CORO1C: variants seen among roughly 807,000 people sequenced by gnomAD.
CORO1C encodes coronin 1C.
Under a neutral mutation model 51.2 loss-of-function variants are expected in CORO1C, and 14 were observed. That is an observed-to-expected ratio of 0.27 (90% CI 0.18 to 0.43). The LOEUF (loss-of-function observed/expected upper bound fraction) is 0.43, where lower values mean the gene tolerates loss of function less well. Among genes scored for constraint, CORO1C ranks in the 20% least tolerant of loss-of-function variants. CORO1C has a pLI of 1.00. For synonymous variants in CORO1C, 181 were observed against 210.5 expected (o/e 0.86, Z 1.21); for missense variants, 417 against 607.8 (o/e 0.69, Z 3.30).
Position 108,688,642 on chromosome 12 carries a change from C to G in CORO1C, c.196-10248G>C, listed in dbSNP as rs569407205. Among the ~76,000 whole-genome samples the G allele has an allele frequency of 2.0e-5, 3 of 152,276 alleles. No individual in the cohort carries two copies. The East Asian group carries it at 5.8e-4, about 29-fold the overall frequency. On this transcript the variant is annotated intron_variant, in intron 2 of 10. Coordinates refer to ENST00000261401, the MANE Select transcript of CORO1C (RefSeq NM_014325.4). The stretch of plus-strand genomic sequence containing the variant: ...TCAATCTAAGCTGGGCACGGTGGCT[C>G]ACACCTGTAATCCCAGCACTTTGAG...
At chr12:108,689,032 G>GAA (rs11449783) in intron 2 of CORO1C, among the ~76,000 whole-genome samples, 149 of 110,324 alleles carry the variant, frequency 1.4e-3, no homozygotes, top group Middle Eastern at 4.8e-3. Context: ...CTCTGTCTCA[G>GAA]AAAAAAAAAA....
At chr12:108,694,306 C>G (rs901045483) in intron 2 of CORO1C, among the ~76,000 whole-genome samples, 3 of 112,458 alleles carry the variant, frequency 2.7e-5, no homozygotes, top group Admixed American at 8.9e-5. Context: ...AAAAAAAAAG[C>G]AAGAACCCAC....
intron 2 of CORO1C, among the ~76,000 whole-genome samples, chr12:108,688,207 A>G (rs1204154927): frequency 6.6e-6 from 1 of 152,108 alleles, no homozygotes; most frequent in African/African-American, 2.4e-5. Context: ...CACCGTGCCC[A>G]GCCCAGTATA....
chr12:108,682,424 T>C (rs2034154988), intron 2 of CORO1C, among the ~76,000 whole-genome samples: 1 of 152,144 alleles, frequency 6.6e-6, no homozygotes, highest in Non-Finnish European at 1.5e-5. Context: ...GACTTTAAGG[T>C]GAAATGCACT....
At chr12:108,654,871 A>T (rs140231517) in intron 6 of CORO1C, among the ~76,000 whole-genome samples, 53 of 152,036 alleles carry the variant, frequency 3.5e-4, no homozygotes, top group Non-Finnish European at 5.9e-4. Context: ...ACCCGTGGCT[A>T]ATTTTTGTAT....
intron 2 of CORO1C, among the ~76,000 whole-genome samples, chr12:108,682,586 C>T (rs939269900): frequency 1.3e-5 from 2 of 152,000 alleles, no homozygotes; most frequent in Middle Eastern, 3.4e-3. Context: ...AAGTCATAAT[C>T]GTAAGAGATG....
intron 3 of CORO1C, among the ~76,000 whole-genome samples, chr12:108,669,908 G>C (rs2033648644): frequency 6.6e-6 from 1 of 152,132 alleles, no homozygotes; most frequent in Admixed American, 6.5e-5. Context: ...TGATTAAAGG[G>C]TGATTTAAAT....
At chr12:108,683,418 CAA>C (rs372937354) in intron 2 of CORO1C, among the ~76,000 whole-genome samples, 19 of 84,622 alleles carry the variant, frequency 2.2e-4, no homozygotes, top group African/African-American at 3.8e-4. Flanking sequence ...GACTCTGTCT[CAA>C]AAAAAAAAAA....
chr12:108,696,801 A>G (rs907995413), intron 2 of CORO1C, among the ~76,000 whole-genome samples: 3 of 152,238 alleles, frequency 2.0e-5, no homozygotes, highest in Non-Finnish European at 4.4e-5. Flanking sequence ...TACAAAAGAG[A>G]GTGGGAATCA....
chr12:108,716,120 T>C (rs1170411522), intron 1 of CORO1C, among the ~76,000 whole-genome samples: 1 of 91,536 alleles, frequency 1.1e-5, no homozygotes, highest in Non-Finnish European at 1.9e-5. Context: ...AGAACGAGAC[T>C]CTGTCGCAAA....
intron 2 of CORO1C, among the ~76,000 whole-genome samples, chr12:108,684,334 C>T (rs748441004): frequency 1.8e-4 from 27 of 152,096 alleles, no homozygotes; most frequent in Admixed American, 1.6e-3. Context: ...TCATAAACTG[C>T]TTACAGAACA....
chr12:108,667,394 A>G (rs1221756699), intron 3 of CORO1C, among the ~76,000 whole-genome samples: 1 of 152,236 alleles, frequency 6.6e-6, no homozygotes, highest in Non-Finnish European at 1.5e-5. Flanking sequence ...AGCTTTCTCA[A>G]AACTGTATGC....
At chr12:108,652,750 C>T (rs1205187500) in intron 7 of CORO1C, among the ~76,000 whole-genome samples, 1 of 141,260 alleles carries the variant, frequency 7.1e-6, no homozygotes, top group African/African-American at 2.7e-5. Context: ...TGCAATTCAA[C>T]TGTGAAAAAC....
chr12:108,680,743 T>A (rs1432356535), intron 2 of CORO1C, among the ~76,000 whole-genome samples: 2 of 152,238 alleles, frequency 1.3e-5, no homozygotes, highest in African/African-American at 4.8e-5. Flanking sequence ...AATGCTGGAA[T>A]CTACCACATT....
At chr12:108,664,578 A>G (rs1026905347) in intron 3 of CORO1C, among the ~76,000 whole-genome samples, 2 of 152,198 alleles carry the variant, frequency 1.3e-5, no homozygotes, top group South Asian at 2.1e-4. Context: ...CCAGAGCCAA[A>G]TTTTAAGCAA....
chr12:108,650,180 CTTTTTTTTTTTTTT>C (rs1057367204), intron 8 of CORO1C, among the ~76,000 whole-genome samples: 24 of 80,444 alleles, frequency 3.0e-4, no homozygotes, highest in Non-Finnish European at 3.9e-4. Context: ...AACCAAAAAC[CTTTTTTTTTTTTTT>C]TTTTTTTTTT....
At chr12:108,730,382 GC>G (rs2035690595) in intron 1 of CORO1C, 1 of 152,248 alleles carries the variant, frequency 6.6e-6, no homozygotes, top group South Asian at 2.1e-4. Context: ...CCAAGAGGAA[GC>G]CCCTTTCTTC....
chr12:108,695,923 C>T (rs1443828836), intron 2 of CORO1C, among the ~76,000 whole-genome samples: 1 of 150,010 alleles, frequency 6.7e-6, no homozygotes, highest in African/African-American at 2.5e-5. Flanking sequence ...TCATAAAACC[C>T]TACATGAAAA....
At chr12:108,721,038 T>C (rs1023741186) in intron 1 of CORO1C, among the ~76,000 whole-genome samples, 4 of 152,166 alleles carry the variant, frequency 2.6e-5, no homozygotes, top group Non-Finnish European at 5.9e-5. Flanking sequence ...TTAAGGAACA[T>C]GGAATATAGC....
Sources: gnomAD v4.1 joint callset for allele counts (sites outside exome capture counted in the v4.1 genomes callset) on GRCh38, gnomAD v4.1.1 for gene constraint, MANE v1.5 for transcripts, NCBI Gene and HGNC (gene_info 2026-07-23, HGNC 2026-07-21) for gene names.